CELF4: variants seen among roughly 807,000 people sequenced by gnomAD.
CELF4 encodes CUG-BP- and ETR-3-like factor 4.
In CELF4, 18 loss-of-function variants were observed where a neutral mutation model predicts 59.9. That is an observed-to-expected ratio of 0.30 (90% CI 0.21 to 0.45). CELF4 has a LOEUF of 0.45. Among genes scored for constraint, CELF4 ranks in the 20% least tolerant of loss-of-function variants. The pLI is 1.00. For synonymous variants in CELF4, 261 were observed against 267.1 expected (o/e 0.98, Z 0.22); for missense variants, 456 against 689.0 (o/e 0.66, Z 3.79).
chr18:37,336,428 C>A (rs1387289968), intron 2 of CELF4, among the ~76,000 whole-genome samples: 1 of 152,186 alleles, frequency 6.6e-6, no homozygotes. Context: ...AAGCAATCCT[C>A]CCACCTTGGC....
intron 2 of CELF4, among the ~76,000 whole-genome samples, chr18:37,401,329 C>A (rs968104635): frequency 1.3e-5 from 2 of 152,208 alleles, no homozygotes; most frequent in African/African-American, 4.8e-5. Context: ...CTGTGTCTGG[C>A]AGCTCAGCAA....
chr18:37,366,256 T>C (rs1020949635), intron 2 of CELF4, among the ~76,000 whole-genome samples: 9 of 152,152 alleles, frequency 5.9e-5, no homozygotes, highest in African/African-American at 2.2e-4. Flanking sequence ...AGAAAGCTGC[T>C]ATAGCACAGA....
intron 2 of CELF4, among the ~76,000 whole-genome samples, chr18:37,464,668 C>A (rs1161139760): frequency 1.3e-5 from 2 of 152,092 alleles, no homozygotes; most frequent in African/African-American, 4.8e-5. Context: ...GAGCCCCTGG[C>A]ACTCTGTGGG....
At chr18:37,512,181 G>A (rs1430259142) in intron 1 of CELF4, among the ~76,000 whole-genome samples, 1 of 152,164 alleles carries the variant, frequency 6.6e-6, no homozygotes, top group Non-Finnish European at 1.5e-5. Flanking sequence ...GCCCTTGGAA[G>A]AGAATCTGTC....
intron 1 of CELF4, among the ~76,000 whole-genome samples, chr18:37,488,839 T>C (rs1786805): frequency 0.98 from 148,940 of 152,318 alleles, 72,920 homozygotes; most frequent in East Asian, 1. Context: ...GTGAAAGGAA[T>C]GGAGATGAAA....
intron 2 of CELF4, among the ~76,000 whole-genome samples, chr18:37,333,190 T>C (rs967099106): frequency 2.6e-5 from 4 of 152,214 alleles, no homozygotes; most frequent in African/African-American, 9.7e-5. Context: ...ACTTAACCTC[T>C]GAGAGGCATA....
At chr18:37,499,684 G>A (rs2099929276) in intron 1 of CELF4, among the ~76,000 whole-genome samples, 1 of 152,256 alleles carries the variant, frequency 6.6e-6, no homozygotes, top group Admixed American at 6.5e-5. Flanking sequence ...GGGACTGGAA[G>A]CATGGGGTGA....
At chr18:37,276,839 G>C (rs1167429204) in intron 3 of CELF4, among the ~76,000 whole-genome samples, 1 of 152,232 alleles carries the variant, frequency 6.6e-6, no homozygotes, top group East Asian at 1.9e-4. Flanking sequence ...CTAGATGTTT[G>C]TGGATGATTA....
At chr18:37,477,720 C>T (rs1481449369) in intron 2 of CELF4, among the ~76,000 whole-genome samples, 1 of 152,148 alleles carries the variant, frequency 6.6e-6, no homozygotes, top group Non-Finnish European at 1.5e-5. Flanking sequence ...ACACTTGCCT[C>T]CCAAACCAGA....
intron 2 of CELF4, among the ~76,000 whole-genome samples, chr18:37,468,970 AC>A (rs1603641949): frequency 6.6e-6 from 1 of 152,094 alleles, no homozygotes; most frequent in African/African-American, 2.4e-5. Flanking sequence ...ACAGAGCCAA[AC>A]CATATCACCT....
chr18:37,391,599 C>A (rs1401639505), intron 2 of CELF4, among the ~76,000 whole-genome samples: 1 of 152,250 alleles, frequency 6.6e-6, no homozygotes, highest in East Asian at 1.9e-4. Flanking sequence ...TCAGACCATG[C>A]CTTCCCTTGG....
At chr18:37,464,063 C>T (rs1049611232) in intron 2 of CELF4, among the ~76,000 whole-genome samples, 8 of 152,290 alleles carry the variant, frequency 5.3e-5, no homozygotes, top group East Asian at 1.9e-4. Context: ...AGCCTTGTGG[C>T]GTATTTACAG....
intron 3 of CELF4, 53 bp from the exon 4 acceptor site, chr18:37,275,296 A>G (rs952340325): frequency 4.2e-5 from 65 of 1,552,352 alleles, no homozygotes; most frequent in Non-Finnish European, 5.3e-5. Context: ...GCTGCGCGGG[A>G]GCAGGGCAAG....
chr18:37,254,657 G>A lies in CELF4; in HGVS notation c.1334-719C>T, dbSNP rs2068035239. 6.6e-6 allele frequency among the ~76,000 whole-genome samples: 1 copy of A among 152,352 alleles called. No individual in the cohort carries two copies. Among genetic ancestry groups the A allele is most frequent in the Non-Finnish European group, 1.5e-5 (1 of 68,030 alleles). Reference sequence around the variant, plus strand: ...GGACTAAGCACGCACCAGCTGATATGTCCATAACAAGTCACAAGACCATCA... The same window carrying A: ...GGACTAAGCACGCACCAGCTGATATATCCATAACAAGTCACAAGACCATCA... On this transcript the variant is annotated intron_variant, in intron 11 of 12. Coordinates refer to ENST00000420428, the MANE Select transcript of CELF4 (RefSeq NM_020180.4). This position sits in a 1 kb window ranked among gnomAD's most constrained non-coding sequence, Gnocchi z 5.1.
chr18:37,509,514 A>T (rs1392118020), intron 1 of CELF4, among the ~76,000 whole-genome samples: 1 of 152,240 alleles, frequency 6.6e-6, no homozygotes, highest in Non-Finnish European at 1.5e-5. Context: ...GATTAGAGAG[A>T]GCAGGCATTG....
intron 2 of CELF4, among the ~76,000 whole-genome samples, chr18:37,413,977 C>T (rs1056223583): frequency 6.6e-6 from 1 of 152,162 alleles, no homozygotes; most frequent in African/African-American, 2.4e-5. Flanking sequence ...GGTCTGTCAA[C>T]TGTGATGTCA....
intron 2 of CELF4, among the ~76,000 whole-genome samples, chr18:37,393,908 G>A (rs1461162721): frequency 8.3e-6 from 1 of 120,668 alleles, no homozygotes; most frequent in African/African-American, 3.4e-5. Context: ...AACTGCAAAG[G>A]CTAAGGGAAA....
intron 2 of CELF4, among the ~76,000 whole-genome samples, chr18:37,478,084 G>A (rs1162619038): frequency 6.6e-6 from 1 of 152,136 alleles, no homozygotes; most frequent in African/African-American, 2.4e-5. Context: ...TGGAGAGCAG[G>A]AGACACTGTC....
chr18:37,550,394 C>T (rs1018203459), intron 1 of CELF4, among the ~76,000 whole-genome samples: 2 of 152,120 alleles, frequency 1.3e-5, no homozygotes, highest in Non-Finnish European at 2.9e-5. Context: ...AGCCACACAT[C>T]CCACCCATGC....
Sources: gnomAD v4.1 joint callset for allele counts (sites outside exome capture counted in the v4.1 genomes callset) on GRCh38, gnomAD v4.1.1 for gene constraint, Gnocchi (gnomAD v3.1) non-coding constraint, MANE v1.5 for transcripts, NCBI Gene and HGNC (gene_info 2026-07-23, HGNC 2026-07-21) for gene names.